KIAA0753: variants seen among roughly 807,000 people sequenced by gnomAD.
KIAA0753 encodes the protein KIAA0753.
A neutral mutation model predicts 116.9 loss-of-function variants in KIAA0753; 114 were observed. The ratio of observed to expected loss-of-function variants is 0.98; its 90% CI spans 0.84 to 1.14. KIAA0753 has a LOEUF of 1.14. Among genes scored for constraint, KIAA0753 ranks in the 50% most tolerant of loss-of-function variants. KIAA0753 has a pLI of 0.00. For missense variants in KIAA0753, 1,156 were observed against 1,172.4 expected, an observed-to-expected ratio of 0.99 and a Z score of 0.20; for synonymous variants, 405 against 413.1, an observed-to-expected ratio of 0.98 and a Z score of 0.24.
intron 2 of KIAA0753, among the ~76,000 whole-genome samples, chr17:6,629,301 T>C (rs1377287510): frequency 1.3e-5 from 2 of 152,362 alleles, no homozygotes; most frequent in East Asian, 1.9e-4. Flanking sequence ...TCATAATAAA[T>C]ACAAGTTTTG....
At chr17:6,604,190 A>G (rs1423742169) in intron 12 of KIAA0753, among the ~76,000 whole-genome samples, 1 of 152,198 alleles carries the variant, frequency 6.6e-6, no homozygotes, top group African/African-American at 2.4e-5. Flanking sequence ...CTTCTACAGA[A>G]CTGTTTATAG....
At chr17:6,582,466 C>T (rs575559077) in intron 18 of KIAA0753, among the ~76,000 whole-genome samples, 1 of 152,176 alleles carries the variant, frequency 6.6e-6, no homozygotes, top group African/African-American at 2.4e-5. Context: ...CAGAGTTACA[C>T]AAAAATGGTA....
chr17:6,607,981 A>G (rs1335719186), intron 10 of KIAA0753, among the ~76,000 whole-genome samples: 2 of 152,234 alleles, frequency 1.3e-5, no homozygotes, highest in Non-Finnish European at 2.9e-5. Context: ...ATCTTAAATT[A>G]TAGTTAATTA....
intron 18 of KIAA0753, among the ~76,000 whole-genome samples, chr17:6,587,806 T>C (rs1304017714): frequency 6.6e-6 from 1 of 152,122 alleles, no homozygotes; most frequent in Non-Finnish European, 1.5e-5. Flanking sequence ...AAATCCCACT[T>C]GAATACAAGG....
chr17:6,607,290 G>C lies in KIAA0753; in HGVS notation c.1830-20C>G. The C allele has an allele frequency of 6.2e-7, 1 of 1,607,482 alleles. No individual in the cohort carries two copies. Among genetic ancestry groups the C allele is most frequent in the Admixed American group, 1.7e-5 (1 of 59,998 alleles). ...GCGAGCCTAGCAGACAGTCAAAAGAGTCAAACCAATTCTGCCTCGACACTG... is the reference window on the plus strand; with the variant it reads ...GCGAGCCTAGCAGACAGTCAAAAGACTCAAACCAATTCTGCCTCGACACTG... On this transcript the variant is annotated intron_variant, in intron 10 of 18. Coordinates refer to ENST00000361413, the MANE Select transcript of KIAA0753 (RefSeq NM_014804.3).
chr17:6,603,227 A>G (rs1597504963), intron 12 of KIAA0753, among the ~76,000 whole-genome samples: 1 of 152,190 alleles, frequency 6.6e-6, no homozygotes, highest in Admixed American at 6.5e-5. Flanking sequence ...CCAACATCAA[A>G]GAACAGGAGT....
At chr17:6,617,349 T>C (rs1567570975) in intron 7 of KIAA0753, among the ~76,000 whole-genome samples, 1 of 152,194 alleles carries the variant, frequency 6.6e-6, no homozygotes, top group East Asian at 1.9e-4. Context: ...GAAGATACTA[T>C]ATTACTTCTA....
chr17:6,634,741 G>C (rs1265450624), intron 2 of KIAA0753: 5 of 307,490 alleles, frequency 1.6e-5, no homozygotes, highest in African/African-American at 2.1e-5. Flanking sequence ...ATAAGAAATG[G>C]TATAAGAATA....
Position 6,578,910 on chromosome 17 carries a change from A to G in KIAA0753, c.*837T>C, listed in dbSNP as rs1053820220. On this transcript the variant is annotated 3_prime_UTR_variant, in exon 19 of 19. Transcript: ENST00000361413. The stretch of plus-strand genomic sequence containing the variant: ...TCTTCGCGCCATCCATCTGTTCCCT[A>G]CTCCCACTTGGGTTCCTTTGTGGTA... 2.0e-5 allele frequency: 3 copies of G among 151,628 alleles called. No homozygotes were observed. The highest frequency in any genetic ancestry group is 7.3e-5 in the African/African-American group (3 of 41,234). 9.4% of individuals were successfully genotyped at this position (151,628 alleles called of 1,614,324 possible). A position where few individuals can be genotyped will look rare whatever the true frequency, so the allele number is the denominator to read the frequency against.
At chr17:6,588,883 C>A (rs1312050035) in intron 18 of KIAA0753, among the ~76,000 whole-genome samples, 1 of 152,068 alleles carries the variant, frequency 6.6e-6, no homozygotes, top group East Asian at 1.9e-4. Context: ...CTACCTTACC[C>A]ACATAAAGAA....
chr17:6,595,875 A>G (rs973877263), intron 15 of KIAA0753, among the ~76,000 whole-genome samples: 1 of 152,216 alleles, frequency 6.6e-6, no homozygotes, highest in Non-Finnish European at 1.5e-5. Flanking sequence ...GGGTCTTCGG[A>G]ATTACACATC....
intron 2 of KIAA0753, 108 bp downstream of exon 2, chr17:6,634,903 C>A: frequency 1.4e-6 from 1 of 715,140 alleles, no homozygotes; most frequent in South Asian, 1.9e-5. Context: ...AAATTGTTAG[C>A]AATTGCTGAA....
Position 6,608,453 on chromosome 17 carries a change from A to G in KIAA0753, c.1724T>C (p.Leu575Pro). Residue 575 changes from leucine to proline, a missense_variant, in exon 10 of 19, where the codon CTA becomes CCA. Leu to Pro is a moderately conservative substitution (Grantham distance 98). Transcript: ENST00000361413. ...PPASPKCAAW[L>P]KVKTSPRDAT... ...ATCTCTGGGGCTAGTTTTCACCTTT[A>G]GCCATGCAGCACTGAAATAAATGGA... 6.5e-7 allele frequency: 1 copy of G among 1,543,918 alleles called. No homozygotes were observed. The highest frequency in any genetic ancestry group is 2.4e-5 in the East Asian group (1 of 41,474).
rs536997457 is a variant in KIAA0753 at position 6,628,087 on chromosome 17, G to A, written c.718+30C>T. 3.1e-6 allele frequency: 5 copies of A among 1,588,072 alleles called. No individual in the cohort carries two copies. In the African/African-American group the frequency reaches 4.1e-5, roughly 13 times the overall value. Reference sequence around the variant, plus strand: ...AAACTACCCCATAATCACAGCCTTAGGTCGAAGTAAAGAATCTAATTTTTC... The same window carrying A: ...AAACTACCCCATAATCACAGCCTTAAGTCGAAGTAAAGAATCTAATTTTTC... On this transcript the variant is annotated intron_variant, in intron 3 of 18. Transcript: ENST00000361413.
chr17:6,580,899 T>TACACACACACACACACACACACACAC (rs33914667), intron 18 of KIAA0753, among the ~76,000 whole-genome samples: 1 of 143,946 alleles, frequency 6.9e-6, no homozygotes, highest in African/African-American at 2.7e-5. Flanking sequence ...TGCTCCTCTG[T>TACACACACACACACACACACACACAC]ACACACACAC....
intron 16 of KIAA0753, among the ~76,000 whole-genome samples, chr17:6,591,558 AGAAT>A (rs1227507690): frequency 6.6e-6 from 1 of 152,250 alleles, no homozygotes; most frequent in Non-Finnish European, 1.5e-5. Flanking sequence ...CCATGATTCC[AGAAT>A]GTGTCCAAAA....
chr17:6,590,057 A>G (rs1968883782), intron 17 of KIAA0753, 54 bp from the exon 18 acceptor site: 2 of 1,336,142 alleles, frequency 1.5e-6, no homozygotes, highest in Non-Finnish European at 2.0e-6. Flanking sequence ...AAGCAAGACT[A>G]AACTGTTAAT....
At chr17:6,580,852 A>T (rs1017590876) in intron 18 of KIAA0753, among the ~76,000 whole-genome samples, 1 of 151,188 alleles carries the variant, frequency 6.6e-6, no homozygotes, top group Non-Finnish European at 1.5e-5. Context: ...CCTTCTCTGT[A>T]GGAGACGGGG....
At chr17:6,581,692 T>A (rs1294349633) in intron 18 of KIAA0753, among the ~76,000 whole-genome samples, 1 of 152,270 alleles carries the variant, frequency 6.6e-6, no homozygotes, top group Non-Finnish European at 1.5e-5. Flanking sequence ...TTCATTCCTA[T>A]CAGTTTGGCC....
Sources: gnomAD v4.1 joint callset for allele counts (sites outside exome capture counted in the v4.1 genomes callset) on GRCh38, gnomAD v4.1.1 for gene constraint, MANE v1.5 for transcripts, NCBI Gene and HGNC (gene_info 2026-07-23, HGNC 2026-07-21) for gene names.